The following PITPNC1 variants were observed in gnomAD, a reference collection of about 807,000 sequenced individuals.
The protein encoded by PITPNC1 is cytoplasmic phosphatidylinositol transfer protein 1.
In PITPNC1, 18 loss-of-function variants were observed where a neutral mutation model predicts 44.7. The ratio of observed to expected loss-of-function variants is 0.40; its 90% confidence interval spans 0.28 to 0.60. The LOEUF is 0.60. Among genes scored for constraint, PITPNC1 ranks in the 20% least tolerant of loss-of-function variants. The probability of loss-of-function intolerance (pLI) is 0.39; values close to 1 mark genes in which losing one functional copy is unlikely to be tolerated. For missense variants in PITPNC1, 290 were observed against 418.4 expected, an observed-to-expected ratio of 0.69 and a Z score of 2.68; for synonymous variants, 141 against 149.6, an observed-to-expected ratio of 0.94 and a Z score of 0.42.
intron 6 of PITPNC1, among the ~76,000 whole-genome samples, chr17:67,633,183 T>G (rs1009342627): frequency 7.2e-5 from 11 of 152,258 alleles, no homozygotes; most frequent in African/African-American, 2.4e-4. Context: ...AGGGCTATTT[T>G]TGTTGGTTAG....
At chr17:67,399,337 T>C (rs949579098) in intron 1 of PITPNC1, among the ~76,000 whole-genome samples, 1 of 152,164 alleles carries the variant, frequency 6.6e-6, no homozygotes, top group African/African-American at 2.4e-5. Context: ...ATGGTTGTTC[T>C]CAGTTGGTCG....
chr17:67,605,878 T>C (rs981406461), intron 5 of PITPNC1, among the ~76,000 whole-genome samples: 42 of 152,354 alleles, frequency 2.8e-4, no homozygotes, highest in African/African-American at 9.4e-4. Context: ...TTATCTCAGT[T>C]AATATTCATA....
chr17:67,544,371 A>T (rs1294275340), intron 2 of PITPNC1, among the ~76,000 whole-genome samples: 1 of 151,466 alleles, frequency 6.6e-6, no homozygotes, highest in African/African-American at 2.4e-5. Context: ...CATCTCTCGG[A>T]TCCCTTCCCA....
At chr17:67,477,839 C>T (rs2039651818) in intron 1 of PITPNC1, among the ~76,000 whole-genome samples, 1 of 152,072 alleles carries the variant, frequency 6.6e-6, no homozygotes, top group Non-Finnish European at 1.5e-5. Context: ...CCAGAACTAC[C>T]CCCACCCCAA....
intron 5 of PITPNC1, among the ~76,000 whole-genome samples, chr17:67,614,496 AC>A (rs2041731836): frequency 6.6e-6 from 1 of 151,890 alleles, no homozygotes. Flanking sequence ...ACATAGTGAA[AC>A]CGCATCTCTA....
intron 1 of PITPNC1, among the ~76,000 whole-genome samples, chr17:67,467,600 G>T (rs978065103): frequency 6.6e-6 from 1 of 152,128 alleles, no homozygotes; most frequent in Non-Finnish European, 1.5e-5. Context: ...TGTCCCTTTA[G>T]GAGTCTAATG....
intron 2 of PITPNC1, among the ~76,000 whole-genome samples, chr17:67,541,801 T>C (rs1256936552): frequency 6.6e-6 from 1 of 152,204 alleles, no homozygotes; most frequent in Non-Finnish European, 1.5e-5. Flanking sequence ...GAACTGTGTA[T>C]GCCACAAGAC....
chr17:67,502,073 AT>A (rs1224598137), intron 1 of PITPNC1, among the ~76,000 whole-genome samples: 1 of 152,200 alleles, frequency 6.6e-6, no homozygotes, highest in Admixed American at 6.5e-5. Flanking sequence ...GGCGTTAACC[AT>A]TCACGTTGTA....
intron 5 of PITPNC1, among the ~76,000 whole-genome samples, chr17:67,595,985 T>C (rs1462217181): frequency 6.6e-6 from 1 of 152,172 alleles, no homozygotes; most frequent in Non-Finnish European, 1.5e-5. Flanking sequence ...CAAAATGCCA[T>C]CATGGAAGAG....
chr17:67,486,699 G>A (rs2039782579), intron 1 of PITPNC1, among the ~76,000 whole-genome samples: 1 of 152,154 alleles, frequency 6.6e-6, no homozygotes, highest in Admixed American at 6.5e-5. Flanking sequence ...CGAGGAATGT[G>A]GTTGACTGAA....
At chr17:67,525,965 C>G (rs764341321) in intron 1 of PITPNC1, among the ~76,000 whole-genome samples, 7 of 152,174 alleles carry the variant, frequency 4.6e-5, no homozygotes, top group Non-Finnish European at 8.8e-5. Context: ...TGGCGTCCGC[C>G]CATTTTGATG....
At chr17:67,533,650 T>C (rs543575840) in intron 2 of PITPNC1, among the ~76,000 whole-genome samples, 1 of 152,360 alleles carries the variant, frequency 6.6e-6, no homozygotes, top group South Asian at 2.1e-4. Flanking sequence ...TTTCATTTAC[T>C]ACTGGTGACC....
In PITPNC1 at chr17:67,583,885, GTGTGTGTGTGTT is replaced by G. The variant is rs1254229669; in HGVS notation, c.366+5640_366+5651del. Among the ~76,000 whole-genome samples, 395 of 134,994 alleles carry G rather than the reference GTGTGTGTGTGTT, an allele frequency of 2.9e-3. 3 individuals are homozygous for G. Among genetic ancestry groups the G allele is most frequent in the South Asian group, 0.016 (60 of 3,790 alleles). The allele number at this position is 134,994 out of a possible 152,430, so 88.6% of individuals were successfully genotyped here. ...TAATTTTGTGTGTGTGTGTGTGTGT[GTGTGTGTGTGTT>G]TGTGTGTGTGTGTGTTTGTGTTTAG... On this transcript the variant is annotated intron_variant, in intron 5 of 8. Coordinates refer to ENST00000581322, the MANE Select transcript of PITPNC1 (RefSeq NM_012417.4).
intron 1 of PITPNC1, among the ~76,000 whole-genome samples, chr17:67,515,337 G>A (rs1054454813): frequency 2.0e-5 from 3 of 152,184 alleles, no homozygotes; most frequent in Non-Finnish European, 4.4e-5. Context: ...GTGCTGATTC[G>A]TTTCTGGAGC....
At chr17:67,551,193 T>C (rs530877062) in intron 2 of PITPNC1, among the ~76,000 whole-genome samples, 126 of 152,322 alleles carry the variant, frequency 8.3e-4, no homozygotes, top group African/African-American at 2.9e-3. Context: ...GTTTTGCCTC[T>C]GAAGAAAAAC....
At chr17:67,530,912 A>G (rs1318795483) in intron 1 of PITPNC1, among the ~76,000 whole-genome samples, 2 of 152,218 alleles carry the variant, frequency 1.3e-5, no homozygotes, top group African/African-American at 4.8e-5. Flanking sequence ...GACTAAGGGA[A>G]GAGAAGTCAA....
chr17:67,414,927 A>G (rs1451643769), intron 1 of PITPNC1, among the ~76,000 whole-genome samples: 1 of 151,852 alleles, frequency 6.6e-6, no homozygotes, highest in Non-Finnish European at 1.5e-5. Flanking sequence ...CACCCAGGCT[A>G]TATAGTGCAG....
chr17:67,481,734 T>C (rs2039705304), intron 1 of PITPNC1, among the ~76,000 whole-genome samples: 1 of 151,002 alleles, frequency 6.6e-6, no homozygotes, highest in Non-Finnish European at 1.5e-5. Context: ...CCTTTTGGAA[T>C]TAATCATACA....
intron 6 of PITPNC1, among the ~76,000 whole-genome samples, chr17:67,643,053 T>A (rs1031478770): frequency 1.1e-4 from 16 of 152,202 alleles, no homozygotes; most frequent in African/African-American, 3.9e-4. Context: ...TCTAAGTCTC[T>A]GCCAGGAGTG....
Sources: allele counts gnomAD v4.1 joint callset (sites outside exome capture counted in the v4.1 genomes callset), GRCh38; gene constraint gnomAD v4.1.1; transcripts MANE v1.5; gene names NCBI Gene and HGNC (gene_info 2026-07-23, HGNC 2026-07-21).